ERGIC2: variants seen among roughly 807,000 people sequenced by gnomAD.
The protein encoded by ERGIC2 is ERGIC and golgi 2, also known as endoplasmic reticulum-Golgi intermediate compartment protein 2.
Under a neutral mutation model 52.5 loss-of-function variants are expected in ERGIC2, and 31 were observed. The observed-to-expected ratio is 0.59, with a 90% CI of 0.44 to 0.80. ERGIC2 has a LOEUF of 0.80. ERGIC2 is among the 30% of genes least tolerant of loss of function. The probability of loss-of-function intolerance (pLI) is 0.00; values close to 1 mark genes in which losing one functional copy is unlikely to be tolerated. For missense variants in ERGIC2, 395 were observed against 455.2 expected (o/e 0.87, Z 1.20); for synonymous variants, 129 against 140.6 (o/e 0.92, Z 0.58).
rs953813141 is a variant in ERGIC2, at chr12:29,338,837, G to C, written c.*2319C>G. On this transcript the variant is annotated 3_prime_UTR_variant, in exon 14 of 14. Coordinates refer to ENST00000360150, the MANE Select transcript of ERGIC2 (RefSeq NM_016570.3). ...TTGAGATCTCATTTTTAAATATGTAGTCTGGAATATAAACATATAGATATT... is the reference window on the plus strand; with the variant it reads ...TTGAGATCTCATTTTTAAATATGTACTCTGGAATATAAACATATAGATATT... 2 of 152,130 alleles carry C rather than the reference G, an allele frequency of 1.3e-5. No individual in the cohort carries two copies. Among genetic ancestry groups the C allele is most frequent in the African/African-American group, 4.8e-5 (2 of 41,422 alleles). The allele number at this position is 152,130 out of a possible 1,614,324, so 9.4% of individuals were successfully genotyped here. A position where few individuals can be genotyped will look rare whatever the true frequency, so the allele number is the denominator to read the frequency against.
At chr12:29,376,585 A>G (rs1482344173) in intron 1 of ERGIC2, among the ~76,000 whole-genome samples, 2 of 152,168 alleles carry the variant, frequency 1.3e-5, no homozygotes, top group Non-Finnish European at 2.9e-5. Context: ...TTCCACCTCT[A>G]AAATCCAAAA....
At chr12:29,346,104 A>T (rs968558229) in intron 10 of ERGIC2, among the ~76,000 whole-genome samples, 5 of 152,022 alleles carry the variant, frequency 3.3e-5, no homozygotes, top group African/African-American at 1.2e-4. Context: ...ACAGATGTTT[A>T]AAAAAATGAA....
At chr12:29,377,619 A>C (rs1351618413) in intron 1 of ERGIC2, among the ~76,000 whole-genome samples, 1 of 152,198 alleles carries the variant, frequency 6.6e-6, no homozygotes, top group African/African-American at 2.4e-5. Context: ...CAACTGGTTG[A>C]GTCCACAGAT....
At chr12:29,373,718 T>G (rs1338543074) in intron 1 of ERGIC2, among the ~76,000 whole-genome samples, 1 of 152,116 alleles carries the variant, frequency 6.6e-6, no homozygotes. Context: ...GGTTCCACAC[T>G]CACAAAGCAG....
chr12:29,356,914 T>A (rs1317302167), intron 7 of ERGIC2, among the ~76,000 whole-genome samples: 1 of 152,086 alleles, frequency 6.6e-6, no homozygotes, highest in Non-Finnish European at 1.5e-5. Flanking sequence ...AAATGTAAAA[T>A]CTTGTATATT....
intron 11 of ERGIC2, among the ~76,000 whole-genome samples, chr12:29,344,140 A>G (rs1299896388): frequency 6.6e-6 from 1 of 152,072 alleles, no homozygotes; most frequent in Non-Finnish European, 1.5e-5. Context: ...TAACAATTGC[A>G]TCTTCCTCCA....
intron 12 of ERGIC2, among the ~76,000 whole-genome samples, chr12:29,342,257 G>A (rs1352445118): frequency 2.0e-5 from 3 of 152,134 alleles, no homozygotes; most frequent in African/African-American, 4.8e-5. Flanking sequence ...AAGTTGATCC[G>A]CCAGCCTTGG....
chr12:29,378,523 T>C (rs1292859208), intron 1 of ERGIC2, among the ~76,000 whole-genome samples: 1 of 152,090 alleles, frequency 6.6e-6, no homozygotes, highest in African/African-American at 2.4e-5. Flanking sequence ...CTTGATTATA[T>C]TGCATTAGAA....
intron 1 of ERGIC2, among the ~76,000 whole-genome samples, chr12:29,378,519 T>G (rs1230274496): frequency 6.6e-6 from 1 of 152,140 alleles, no homozygotes; most frequent in Non-Finnish European, 1.5e-5. Flanking sequence ...ATTACTTGAT[T>G]ATATTGCATT....
intron 4 of ERGIC2, among the ~76,000 whole-genome samples, chr12:29,367,617 T>C (rs1376055097): frequency 6.6e-6 from 1 of 151,876 alleles, no homozygotes; most frequent in Non-Finnish European, 1.5e-5. Flanking sequence ...AATTATTTCA[T>C]ACTTTTAAAA....
intron 1 of ERGIC2, chr12:29,372,723 CA>C (rs1940459902): frequency 6.6e-6 from 1 of 150,950 alleles, no homozygotes; most frequent in Non-Finnish European, 1.5e-5. Context: ...GGCGTGATCT[CA>C]ACTCACCACA....
At chr12:29,362,063 G>A (rs1391419878) in intron 5 of ERGIC2, among the ~76,000 whole-genome samples, 1 of 152,094 alleles carries the variant, frequency 6.6e-6, no homozygotes, top group Non-Finnish European at 1.5e-5. Flanking sequence ...AGCATCCAAA[G>A]CCCAAATTCT....
chr12:29,341,335 TTCTC>T, intron 13 of ERGIC2, 117 bp from the exon 14 acceptor site: 1 of 766,796 alleles, frequency 1.3e-6, no homozygotes, highest in Non-Finnish European at 2.2e-6. Context: ...AAGCTACTAT[TTCTC>T]TCTCTCTCTC....
chr12:29,376,229 A>G (rs1225824374), intron 1 of ERGIC2, among the ~76,000 whole-genome samples: 1 of 152,182 alleles, frequency 6.6e-6, no homozygotes, highest in African/African-American at 2.4e-5. Flanking sequence ...GAGGCACAGA[A>G]CTGTCAAATA....
chr12:29,361,849 T>A (rs972320157), intron 5 of ERGIC2, among the ~76,000 whole-genome samples, 164 bp from the exon 6 acceptor site: 1 of 152,238 alleles, frequency 6.6e-6, no homozygotes, highest in Admixed American at 6.5e-5. Flanking sequence ...AAAATTTTAA[T>A]GTGCTATCTT....
At chr12:29,341,936 G>A in intron 12 of ERGIC2, 120 bp from the exon 13 acceptor site, 1 of 532,080 alleles carries the variant, frequency 1.9e-6, no homozygotes, top group Non-Finnish European at 3.4e-6. Flanking sequence ...TCACTTCCAT[G>A]GTTAAAAATA....
chr12:29,364,660 G>C (rs569284504), intron 5 of ERGIC2, among the ~76,000 whole-genome samples: 1 of 152,076 alleles, frequency 6.6e-6, no homozygotes, highest in African/African-American at 2.4e-5. Context: ...ACTACCAACA[G>C]AGTAAACAGA....
chr12:29,350,703 G>T (rs1468380972), intron 8 of ERGIC2, among the ~76,000 whole-genome samples: 1 of 152,056 alleles, frequency 6.6e-6, no homozygotes, highest in African/African-American at 2.4e-5. Context: ...CAATTGTGCA[G>T]TGAAATGAAT....
At chr12:29,363,816 T>A in intron 5 of ERGIC2, among the ~76,000 whole-genome samples, 1 of 133,082 alleles carries the variant, frequency 7.5e-6, no homozygotes, top group East Asian at 2.2e-4. Context: ...AAAGATAGCA[T>A]CAGGCATCTC....
Sources: allele counts gnomAD v4.1 joint callset (sites outside exome capture counted in the v4.1 genomes callset), GRCh38; gene constraint gnomAD v4.1.1; transcripts MANE v1.5; gene names NCBI Gene and HGNC (gene_info 2026-07-23, HGNC 2026-07-21).